The following HIBADH variants were observed in gnomAD, a reference collection of about 807,000 sequenced individuals.
The protein encoded by HIBADH is 3-hydroxyisobutyrate dehydrogenase, also known as 3-hydroxyisobutyrate dehydrogenase, mitochondrial.
A neutral mutation model predicts 36.1 loss-of-function variants in HIBADH; 25 were observed. That is an observed-to-expected ratio of 0.69 (90% CI 0.50 to 0.97). The LOEUF (loss-of-function observed/expected upper bound fraction) is 0.97. HIBADH is among the 50% of genes least tolerant of loss of function. The pLI is 0.00. For missense variants in HIBADH, 421 were observed against 418.0 expected, an observed-to-expected ratio of 1.01 and a Z score of -0.06; for synonymous variants, 160 against 149.5, an observed-to-expected ratio of 1.07 and a Z score of -0.51.
chr7:27,626,243 A>T (rs1216277439), intron 4 of HIBADH, among the ~76,000 whole-genome samples: 9 of 152,038 alleles, frequency 5.9e-5, no homozygotes, highest in African/African-American at 1.9e-4. Flanking sequence ...ATATACACCT[A>T]TTATATACCC....
At chr7:27,548,207 A>AAAC (rs897126873) in intron 4 of HIBADH, among the ~76,000 whole-genome samples, 1 of 151,286 alleles carries the variant, frequency 6.6e-6, no homozygotes, top group African/African-American at 2.4e-5. Flanking sequence ...AAAAAAAAAA[A>AAAC]AAAGTATCAT....
intron 4 of HIBADH, among the ~76,000 whole-genome samples, chr7:27,578,596 T>G (rs1784748318): frequency 6.6e-6 from 1 of 152,220 alleles, no homozygotes; most frequent in South Asian, 2.1e-4. Flanking sequence ...GGATTACAGA[T>G]GTGAGCCACC....
intron 4 of HIBADH, among the ~76,000 whole-genome samples, chr7:27,604,991 ACT>A (rs1405454882): frequency 1.3e-5 from 2 of 152,040 alleles, no homozygotes; most frequent in Non-Finnish European, 2.9e-5. Context: ...ATTAAACATC[ACT>A]CTGCATGGTG....
At chr7:27,591,260 T>C (rs950810606) in intron 4 of HIBADH, among the ~76,000 whole-genome samples, 1 of 152,120 alleles carries the variant, frequency 6.6e-6, no homozygotes, top group Admixed American at 6.6e-5. Context: ...CACTTAAGAT[T>C]ATCACCTGTG....
intron 2 of HIBADH, among the ~76,000 whole-genome samples, chr7:27,634,824 A>C (rs1402845245): frequency 6.6e-6 from 1 of 152,270 alleles, no homozygotes; most frequent in Non-Finnish European, 1.5e-5. Flanking sequence ...TTAATCCCAT[A>C]AACTGGCAGT....
At chr7:27,560,255 G>A (rs527767015) in intron 4 of HIBADH, among the ~76,000 whole-genome samples, 6 of 152,286 alleles carry the variant, frequency 3.9e-5, no homozygotes, top group Non-Finnish European at 8.8e-5. Flanking sequence ...CCAAGTAGCA[G>A]GGATTACAGG....
At chr7:27,545,449 A>G (rs943808737) in intron 4 of HIBADH, among the ~76,000 whole-genome samples, 14 of 152,182 alleles carry the variant, frequency 9.2e-5, no homozygotes, top group African/African-American at 3.4e-4. Flanking sequence ...AAAACAAAAC[A>G]AAAAGACTGA....
chr7:27,583,659 T>C (rs1313826966), intron 4 of HIBADH, among the ~76,000 whole-genome samples: 1 of 152,024 alleles, frequency 6.6e-6, no homozygotes, highest in Non-Finnish European at 1.5e-5. Flanking sequence ...TAATCAATTC[T>C]CCCTTATTGG....
At chr7:27,626,625 G>C in intron 4 of HIBADH, among the ~76,000 whole-genome samples, 1 of 152,072 alleles carries the variant, frequency 6.6e-6, no homozygotes, top group African/African-American at 2.4e-5. Flanking sequence ...CCAGGAAGTA[G>C]GGGGAAACGC....
intron 3 of HIBADH, among the ~76,000 whole-genome samples, chr7:27,631,069 T>G (rs1785738571): frequency 6.6e-6 from 1 of 152,214 alleles, no homozygotes; most frequent in Non-Finnish European, 1.5e-5. Flanking sequence ...AAAGTCAAAC[T>G]TTTTAAAAAC....
chr7:27,629,314 T>C, intron 4 of HIBADH, 57 bp downstream of exon 4: 1 of 1,556,182 alleles, frequency 6.4e-7, no homozygotes, highest in Non-Finnish European at 8.7e-7. Flanking sequence ...AACAAAACCA[T>C]AATTGCTACT....
At position 27,558,502 on chromosome 7, in the gene HIBADH, T is replaced by C. The variant is rs188966239; in HGVS notation, c.485-15402A>G. ...ATGACCACACCCAGCTACTTTTTTG[T>C]ATTTTTTTGTAGAGATGGCGTCTTG... On this transcript the variant is annotated intron_variant, in intron 4 of 7. Transcript: ENST00000265395. Among the ~76,000 whole-genome samples, 1,116 of 152,206 alleles carry C rather than the reference T, an allele frequency of 7.3e-3. 10 individuals are homozygous for C. Among genetic ancestry groups the C allele is most frequent in the Non-Finnish European group, 0.011 (749 of 68,012 alleles).
chr7:27,545,224 T>C (rs760982557), intron 4 of HIBADH, among the ~76,000 whole-genome samples: 1 of 152,160 alleles, frequency 6.6e-6, no homozygotes, highest in Non-Finnish European at 1.5e-5. Flanking sequence ...GTGGACTGCT[T>C]GAGCCCAGAA....
intron 4 of HIBADH, among the ~76,000 whole-genome samples, chr7:27,584,440 A>G (rs1429163513): frequency 2.0e-5 from 3 of 152,104 alleles, no homozygotes; most frequent in African/African-American, 4.8e-5. Flanking sequence ...ATATGGTCAG[A>G]TACAAGTTTT....
intron 1 of HIBADH, among the ~76,000 whole-genome samples, chr7:27,652,179 T>A (rs1016728521): frequency 2.0e-5 from 3 of 152,222 alleles, no homozygotes; most frequent in Non-Finnish European, 4.4e-5. Flanking sequence ...CCTAATACTT[T>A]ACTAAGTTGT....
chr7:27,614,036 C>T (rs1010283349), intron 4 of HIBADH, among the ~76,000 whole-genome samples: 4 of 151,986 alleles, frequency 2.6e-5, no homozygotes, highest in Admixed American at 6.6e-5. Flanking sequence ...AAAAGTCAAC[C>T]GAGATGGGAT....
chr7:27,609,798 A>C (rs1033411395), intron 4 of HIBADH, among the ~76,000 whole-genome samples: 7 of 152,088 alleles, frequency 4.6e-5, no homozygotes, highest in Admixed American at 3.9e-4. Flanking sequence ...CTAATTAAAA[A>C]GTAAGTTTTT....
At chr7:27,635,823 C>A (rs1785831674) in intron 2 of HIBADH, among the ~76,000 whole-genome samples, 1 of 152,178 alleles carries the variant, frequency 6.6e-6, no homozygotes, top group African/African-American at 2.4e-5. Flanking sequence ...CCAACGGCCT[C>A]ATACTTATAC....
At chr7:27,604,277 T>C (rs1463258196) in intron 4 of HIBADH, among the ~76,000 whole-genome samples, 2 of 152,190 alleles carry the variant, frequency 1.3e-5, no homozygotes, top group East Asian at 1.9e-4. Context: ...ACAGTCATTG[T>C]AGGCAACTAT....
Sources: gnomAD v4.1 joint callset for allele counts (sites outside exome capture counted in the v4.1 genomes callset) on GRCh38, gnomAD v4.1.1 for gene constraint, MANE v1.5 for transcripts, NCBI Gene and HGNC (gene_info 2026-07-23, HGNC 2026-07-21) for gene names.